The following NDST4 variants were observed in gnomAD, a reference collection of about 807,000 sequenced individuals.
NDST4 encodes the protein N-heparan sulfate sulfotransferase 4.
In NDST4, 63 loss-of-function variants were observed where a neutral mutation model predicts 100.8. The ratio of observed to expected loss-of-function variants is 0.62; its 90% CI spans 0.51 to 0.77. The LOEUF (loss-of-function observed/expected upper bound fraction) is 0.77. Ranked by LOEUF, NDST4 falls within the 30% of genes least tolerant of loss-of-function variation. NDST4 has a pLI of 0.00. For missense variants in NDST4, 943 were observed against 1,018.4 expected, an observed-to-expected ratio of 0.93 and a Z score of 1.01; for synonymous variants, 377 against 361.8, an observed-to-expected ratio of 1.04 and a Z score of -0.48.
chr4:114,937,928 A>G (rs1004530338), intron 4 of NDST4, among the ~76,000 whole-genome samples: 1 of 152,072 alleles, frequency 6.6e-6, no homozygotes, highest in African/African-American at 2.4e-5. Context: ...AAAGGTAACT[A>G]TGAATAATGA....
Position 115,076,058 on chromosome 4 carries a change from C to A in NDST4, c.978+1G>T. On this transcript the variant is annotated splice_donor_variant, in intron 2 of 13. Transcript: ENST00000264363. LOFTEE classifies it high-confidence loss of function. ...TCGATGTTGTCTATAAATAAGCTTA[C>A]CTTCACATCTTTGACATTCATCCTT... The A allele has an allele frequency of 1.2e-6, 2 of 1,600,096 alleles. No individual in the cohort carries two copies. The highest frequency in any genetic ancestry group is 1.7e-6 in the Non-Finnish European group (2 of 1,173,228).
intron 6 of NDST4, among the ~76,000 whole-genome samples, chr4:114,886,421 G>A (rs1724478921): frequency 6.6e-6 from 1 of 152,046 alleles, no homozygotes; most frequent in African/African-American, 2.4e-5. Flanking sequence ...TTAGACGGAG[G>A]CAGAAAACAC....
At chr4:115,110,535 CT>C (rs1729932857) in intron 1 of NDST4, among the ~76,000 whole-genome samples, 1 of 151,898 alleles carries the variant, frequency 6.6e-6, no homozygotes, top group African/African-American at 2.4e-5. Flanking sequence ...TGTATCTTTA[CT>C]GTAAATTTTA....
chr4:115,072,304 T>C lies in NDST4; in HGVS notation c.978+3755A>G, dbSNP rs1287834050. ...AAAATGATCTGCAGATTCAATACAATTCCTAACAAAATTCCAAGGACATTT... is the reference window on the plus strand; with the variant it reads ...AAAATGATCTGCAGATTCAATACAACTCCTAACAAAATTCCAAGGACATTT... On this transcript the variant is annotated intron_variant, in intron 2 of 13. Transcript: ENST00000264363. Among the ~76,000 whole-genome samples, 7 of 152,034 alleles carry C rather than the reference T, an allele frequency of 4.6e-5. 1 individual carries two copies. In the South Asian group the frequency reaches 1.4e-3, roughly 31 times the overall value.
intron 4 of NDST4, among the ~76,000 whole-genome samples, chr4:114,938,470 TC>T (rs1414154364): frequency 6.6e-6 from 1 of 152,218 alleles, no homozygotes; most frequent in Non-Finnish European, 1.5e-5. Context: ...TTTCTTTATA[TC>T]CCTCCCTTTA....
At chr4:114,893,227 T>C (rs1345255554) in intron 6 of NDST4, among the ~76,000 whole-genome samples, 3 of 152,292 alleles carry the variant, frequency 2.0e-5, no homozygotes, top group South Asian at 2.1e-4. Context: ...GTCCTTATGA[T>C]AGAATGATTT....
intron 4 of NDST4, among the ~76,000 whole-genome samples, chr4:114,954,963 A>G (rs1028368843): frequency 1.6e-4 from 25 of 152,088 alleles, no homozygotes; most frequent in African/African-American, 4.8e-4. Flanking sequence ...CCTTCTACCA[A>G]GGTTAGAAGC....
chr4:114,853,538 C>T (rs866710294), intron 7 of NDST4, among the ~76,000 whole-genome samples: 2 of 152,078 alleles, frequency 1.3e-5, no homozygotes, highest in African/African-American at 2.4e-5. Flanking sequence ...AATCATTACA[C>T]TTTTGAGAAT....
At chr4:115,097,430 C>G (rs896111864) in intron 1 of NDST4, among the ~76,000 whole-genome samples, 1 of 151,916 alleles carries the variant, frequency 6.6e-6, no homozygotes, top group Non-Finnish European at 1.5e-5. Flanking sequence ...AACTCTCTTT[C>G]TCTCTATCTC....
chr4:114,989,822 A>G (rs1352861215), intron 2 of NDST4, among the ~76,000 whole-genome samples: 3 of 152,172 alleles, frequency 2.0e-5, no homozygotes, highest in African/African-American at 4.8e-5. Flanking sequence ...CATTAAATGC[A>G]GGTTGTGAAA....
intron 2 of NDST4, among the ~76,000 whole-genome samples, chr4:115,036,258 A>G (rs1728230708): frequency 6.6e-6 from 1 of 151,560 alleles, no homozygotes; most frequent in African/African-American, 2.4e-5. Flanking sequence ...AGGTATTTAC[A>G]TCAGTTTAAA....
At chr4:114,851,793 A>T (rs1313782755) in intron 8 of NDST4, among the ~76,000 whole-genome samples, 3 of 152,172 alleles carry the variant, frequency 2.0e-5, no homozygotes, top group African/African-American at 7.2e-5. Context: ...GTTGTAATAC[A>T]ATTTATATTC....
intron 10 of NDST4, among the ~76,000 whole-genome samples, chr4:114,839,956 C>A (rs1054223461): frequency 6.6e-6 from 1 of 152,090 alleles, no homozygotes; most frequent in Non-Finnish European, 1.5e-5. Context: ...GACAAATCAA[C>A]CCTAATGAAA....
intron 6 of NDST4, among the ~76,000 whole-genome samples, chr4:114,877,829 G>C (rs554957341): frequency 3.3e-5 from 5 of 152,176 alleles, no homozygotes; most frequent in African/African-American, 9.6e-5. Flanking sequence ...GCTCCTGCCT[G>C]TATTCCCAGC....
At chr4:115,071,594 A>G (rs760560348) in intron 2 of NDST4, among the ~76,000 whole-genome samples, 1 of 152,118 alleles carries the variant, frequency 6.6e-6, no homozygotes, top group Non-Finnish European at 1.5e-5. Flanking sequence ...CTATTAAAAT[A>G]CCTATTGAAC....
chr4:115,057,760 CAAA>C (rs2126281982), intron 2 of NDST4, among the ~76,000 whole-genome samples: 1 of 145,054 alleles, frequency 6.9e-6, no homozygotes, highest in African/African-American at 2.6e-5. Flanking sequence ...ACACACACAC[CAAA>C]AAGGGCAGTG....
chr4:114,919,972 G>A (rs114344730), intron 6 of NDST4, among the ~76,000 whole-genome samples: 3,850 of 152,118 alleles, frequency 0.025, 159 homozygotes, highest in South Asian at 0.16. Context: ...ATATCTCTTG[G>A]TATTATTGGG....
chr4:114,850,341 C>T (rs980573388), intron 8 of NDST4, among the ~76,000 whole-genome samples: 1 of 152,144 alleles, frequency 6.6e-6, no homozygotes, highest in Non-Finnish European at 1.5e-5. Context: ...GTTCTGCACA[C>T]ATACCTTCAT....
chr4:115,051,547 G>A (rs548896), intron 2 of NDST4, among the ~76,000 whole-genome samples: 37,791 of 151,866 alleles, frequency 0.25, 6,551 homozygotes, highest in African/African-American at 0.47. Context: ...ATTTCACTTA[G>A]CATAATAGCC....
Sources: gnomAD v4.1 joint callset for allele counts (sites outside exome capture counted in the v4.1 genomes callset) on GRCh38, gnomAD v4.1.1 for gene constraint, MANE v1.5 for transcripts, NCBI Gene and HGNC (gene_info 2026-07-23, HGNC 2026-07-21) for gene names.